The following FHIP1A variants were observed in gnomAD, a reference collection of about 807,000 sequenced individuals.
FHIP1A encodes FHF complex subunit HOOK-interacting protein 1A.
In FHIP1A, 61 loss-of-function variants were observed where a neutral mutation model predicts 88.6. That is an observed-to-expected ratio of 0.69 (90% CI 0.56 to 0.85). The LOEUF is 0.85. Ranked by LOEUF, FHIP1A falls within the 40% of genes least tolerant of loss-of-function variation. The probability of loss-of-function intolerance (pLI) is 0.00; values close to 1 mark genes in which losing one functional copy is unlikely to be tolerated. For missense variants in FHIP1A, 1,154 were observed against 1,273.5 expected (o/e 0.91, Z 1.43); for synonymous variants, 478 against 496.0 (o/e 0.96, Z 0.48).
In FHIP1A at chr4:151,495,262, G is replaced by A. The variant is rs149988125; in HGVS notation, c.-123+12614G>A. Among the ~76,000 whole-genome samples, 394 of 152,250 alleles carry A rather than the reference G, an allele frequency of 2.6e-3. 11 individuals carry two copies. The highest frequency in any genetic ancestry group is 0.024 in the Admixed American group (373 of 15,296). ...TCACCCCTGTAATCCCAGAACTTTGGGAGGCCAAGGCGGGCAGTTCATCTG... is the reference window on the plus strand; with the variant it reads ...TCACCCCTGTAATCCCAGAACTTTGAGAGGCCAAGGCGGGCAGTTCATCTG... On this transcript the variant is annotated intron_variant, in intron 3 of 13. Coordinates refer to ENST00000435205, the MANE Select transcript of FHIP1A (RefSeq NM_001109977.3).
chr4:151,527,721 C>T lies in FHIP1A; in HGVS notation c.-122-38417C>T, dbSNP rs144030288. On this transcript the variant is annotated intron_variant, in intron 3 of 13. Coordinates refer to ENST00000435205, the MANE Select transcript of FHIP1A (RefSeq NM_001109977.3). ...GATAATTAAAAGGTGAATTTCTGTG[C>T]ATGAAGAAATTCTGTGAATCATAAA... Among the ~76,000 whole-genome samples the T allele has an allele frequency of 6.6e-5, 10 of 152,276 alleles. No homozygotes were observed. The East Asian group carries it at 1.9e-3, about 29-fold the overall frequency.
At chr4:151,652,896 G>A (rs185181167) in intron 11 of FHIP1A, among the ~76,000 whole-genome samples, 3 of 152,354 alleles carry the variant, frequency 2.0e-5, no homozygotes, top group Admixed American at 2.0e-4. Flanking sequence ...CCAAGGAATG[G>A]AAACCTTGTG....
chr4:151,438,156 TGG>T (rs1728275420), intron 1 of FHIP1A, among the ~76,000 whole-genome samples: 1 of 152,034 alleles, frequency 6.6e-6, no homozygotes, highest in Non-Finnish European at 1.5e-5. Context: ...GGGGCACTCC[TGG>T]GTGGCAGCAG....
At chr4:151,459,813 C>T (rs1000196975) in intron 2 of FHIP1A, among the ~76,000 whole-genome samples, 1 of 152,128 alleles carries the variant, frequency 6.6e-6, no homozygotes, top group African/African-American at 2.4e-5. Context: ...AGTGTTAATA[C>T]CCTTGTTGTA....
intron 1 of FHIP1A, among the ~76,000 whole-genome samples, chr4:151,411,108 G>A (rs1462795105): frequency 1.3e-5 from 2 of 152,188 alleles, no homozygotes; most frequent in African/African-American, 2.4e-5. Flanking sequence ...AGGACTTGAA[G>A]ACTAGAAATA....
rs559399092 is a variant in FHIP1A at position 151,527,722 on chromosome 4, A to G, written c.-122-38416A>G. ...ATAATTAAAAGGTGAATTTCTGTGC[A>G]TGAAGAAATTCTGTGAATCATAAAC... On this transcript the variant is annotated intron_variant, in intron 3 of 13. Transcript: ENST00000435205. Among the ~76,000 whole-genome samples the G allele has an allele frequency of 3.9e-5, 6 of 152,350 alleles. No homozygotes were observed. In the South Asian group the frequency reaches 1.2e-3, roughly 32 times the overall value.
intron 7 of FHIP1A, among the ~76,000 whole-genome samples, chr4:151,612,770 T>C (rs757282780): frequency 5.3e-5 from 8 of 152,168 alleles, no homozygotes; most frequent in Non-Finnish European, 7.4e-5. Context: ...AAGAAGAGGC[T>C]CTCAGGCTTA....
chr4:151,424,089 T>G (rs1412970344), intron 1 of FHIP1A, among the ~76,000 whole-genome samples: 1 of 152,200 alleles, frequency 6.6e-6, no homozygotes, highest in Non-Finnish European at 1.5e-5. Flanking sequence ...TCTTTTTTTG[T>G]GTCAGTTTTC....
At chr4:151,436,496 T>A (rs986657969) in intron 1 of FHIP1A, 1 of 152,188 alleles carries the variant, frequency 6.6e-6, no homozygotes, top group African/African-American at 2.4e-5. Context: ...GCTCTCATTC[T>A]ACCTTGTGGC....
At chr4:151,433,819 A>G (rs978281036) in intron 1 of FHIP1A, among the ~76,000 whole-genome samples, 9 of 152,142 alleles carry the variant, frequency 5.9e-5, no homozygotes, top group Admixed American at 3.3e-4. Flanking sequence ...TCAATCTACT[A>G]TGTCTCTTGA....
chr4:151,458,554 CA>C (rs1729045442), intron 2 of FHIP1A, among the ~76,000 whole-genome samples: 1 of 152,014 alleles, frequency 6.6e-6, no homozygotes, highest in African/African-American at 2.4e-5. Context: ...AGGGGAAAAT[CA>C]GACTAAATGG....
chr4:151,582,637 A>C (rs542842543), intron 5 of FHIP1A, among the ~76,000 whole-genome samples: 1 of 152,158 alleles, frequency 6.6e-6, no homozygotes, highest in Non-Finnish European at 1.5e-5. Context: ...GTGGTTTTAC[A>C]TGGTGATTAG....
At chr4:151,634,018 T>C (rs949924961) in intron 8 of FHIP1A, among the ~76,000 whole-genome samples, 27 of 151,786 alleles carry the variant, frequency 1.8e-4, no homozygotes, top group Admixed American at 1.6e-3. Flanking sequence ...TAATCATATA[T>C]ATAGAAAACC....
chr4:151,451,195 C>G (rs914787513), intron 1 of FHIP1A, among the ~76,000 whole-genome samples: 4 of 151,948 alleles, frequency 2.6e-5, no homozygotes, highest in Admixed American at 2.6e-4. Flanking sequence ...GGGTTTTCAT[C>G]TTTTTCTTAT....
intron 2 of FHIP1A, among the ~76,000 whole-genome samples, chr4:151,472,847 T>C (rs1729573139): frequency 6.6e-6 from 1 of 152,204 alleles, no homozygotes; most frequent in Admixed American, 6.5e-5. Flanking sequence ...AAAGCTATTT[T>C]TGAATGCTGA....
At chr4:151,653,442 A>G (rs1459381601) in intron 11 of FHIP1A, among the ~76,000 whole-genome samples, 1 of 152,012 alleles carries the variant, frequency 6.6e-6, no homozygotes, top group Non-Finnish European at 1.5e-5. Flanking sequence ...GCACTGGAAC[A>G]GGTGGTATGA....
chr4:151,633,760 A>T (rs1017029139), intron 8 of FHIP1A, among the ~76,000 whole-genome samples: 1 of 151,976 alleles, frequency 6.6e-6, no homozygotes, highest in African/African-American at 2.4e-5. Context: ...ACACCCTTTC[A>T]TGATAAAAGC....
chr4:151,649,044 T>G (rs1736897401), intron 10 of FHIP1A, among the ~76,000 whole-genome samples: 1 of 152,164 alleles, frequency 6.6e-6, no homozygotes, highest in Non-Finnish European at 1.5e-5. Flanking sequence ...GTTCTCAGAT[T>G]CATGGATTAC....
At chr4:151,646,508 T>C (rs747915736) in intron 9 of FHIP1A, 50 bp from the exon 10 acceptor site, 10 of 1,336,580 alleles carry the variant, frequency 7.5e-6, no homozygotes, top group African/African-American at 7.3e-5. Flanking sequence ...GTCCCAGTAA[T>C]GGTTCAAGAC....
Sources: gnomAD v4.1 joint callset for allele counts (sites outside exome capture counted in the v4.1 genomes callset) on GRCh38, gnomAD v4.1.1 for gene constraint, MANE v1.5 for transcripts, NCBI Gene and HGNC (gene_info 2026-07-23, HGNC 2026-07-21) for gene names.